TRPM5: variants seen among roughly 807,000 people sequenced by gnomAD.
TRPM5 encodes MLSN1 and TRP-related.
A neutral mutation model predicts 124.9 loss-of-function variants in TRPM5; 121 were observed. That is an observed-to-expected ratio of 0.97 (90% CI 0.84 to 1.13). The LOEUF is 1.13. Among genes scored for constraint, TRPM5 ranks in the 50% most tolerant of loss-of-function variants. TRPM5 has a pLI of 0.00. For synonymous variants in TRPM5, 781 were observed against 700.5 expected, an observed-to-expected ratio of 1.11 and a Z score of -1.81; for missense variants, 1,643 against 1,589.1, an observed-to-expected ratio of 1.03 and a Z score of -0.58.
chr11:2,420,481 C>T (rs1845756135), intron 3 of TRPM5, 76 bp from the exon 9 acceptor site: 1 of 1,461,098 alleles, frequency 6.8e-7, no homozygotes. Context: ...ATCCTCCCTG[C>T]CAGGCCGTGC....
chr11:2,421,903 T>C (rs769374690), intron 2 of TRPM5, among the ~76,000 whole-genome samples: 1 of 151,440 alleles, frequency 6.6e-6, no homozygotes, highest in Non-Finnish European at 1.5e-5. Context: ...GCTGCACCTG[T>C]GGGTACTGCA....
At chr11:2,418,737 C>G (rs1186657084) in intron 4 of TRPM5, 146 bp from the exon 10 acceptor site, 1 of 769,230 alleles carries the variant, frequency 1.3e-6, no homozygotes, top group African/African-American at 1.8e-5. Flanking sequence ...GTGACACAGG[C>G]TGCTTATTAC....
At chr11:2,422,232 C>G in exon 2 of TRPM5, 1 of 1,612,530 alleles carries the variant, frequency 6.2e-7, no homozygotes, top group South Asian at 1.1e-5. Flanking sequence ...CCACCAGGGA[C>G]ACCACCAGGT....
Position 2,408,234 on chromosome 11 carries a change from T to TG in TRPM5, c.2783-323dup, listed in dbSNP as rs1850364753. 1.3e-5 allele frequency among the ~76,000 whole-genome samples: 2 copies of TG among 151,778 alleles called. 1 individual carries two copies. Among genetic ancestry groups the TG allele is most frequent in the African/African-American group, 4.8e-5 (2 of 41,284 alleles). On this transcript the variant is annotated intron_variant, in intron 18 of 23. Transcript: ENST00000155858. ...CCAAGACCCCTGGAGGGATGGAAGGTGGGGGACAGAGGGGTCACGGGACCC... is the reference window on the plus strand; with the variant it reads ...CCAAGACCCCTGGAGGGATGGAAGGTGGGGGGACAGAGGGGTCACGGGACCC...
the TRPM5 span, among the ~76,000 whole-genome samples, chr11:2,435,929 G>T: frequency 4.1e-4 from 63 of 152,352 alleles, no homozygotes; most frequent in African/African-American, 1.4e-3. This position sits in a 1 kb window ranked among gnomAD's most constrained non-coding sequence, Gnocchi z 4.1. Context: ...ACACTCTGGG[G>T]AACAGGCAGC....
chr11:2,431,001 GT>G, the TRPM5 span, among the ~76,000 whole-genome samples: 5 of 152,236 alleles, frequency 3.3e-5, no homozygotes, highest in East Asian at 9.7e-4. Flanking sequence ...GGTAATAGTG[GT>G]TATGGTAGCA....
intron 8 of TRPM5, 59 bp from the exon 14 acceptor site, chr11:2,415,530 G>A (rs1046553212): frequency 8.2e-7 from 1 of 1,215,920 alleles, no homozygotes; most frequent in Non-Finnish European, 1.1e-6. Context: ...GAGACAGGAG[G>A]AGGGGGTCCA....
At chr11:2,420,140 G>A in intron 4 of TRPM5, 82 bp downstream of exon 9, 2 of 1,476,074 alleles carry the variant, frequency 1.4e-6, no homozygotes, top group Non-Finnish European at 9.1e-7. Context: ...CTCCCTGGCG[G>A]TCACCCCCAC....
chr11:2,409,670 G>C (rs1055556310), intron 18 of TRPM5, among the ~76,000 whole-genome samples: 1 of 152,206 alleles, frequency 6.6e-6, no homozygotes, highest in Non-Finnish European at 1.5e-5. Flanking sequence ...GTCACAGTGA[G>C]TGGCTGGGGT....
chr11:2,431,650 G>T, the TRPM5 span, among the ~76,000 whole-genome samples: 6 of 152,062 alleles, frequency 3.9e-5, no homozygotes, highest in African/African-American at 2.4e-5. Context: ...TGGAACCTTG[G>T]CTTCTGGTGC....
chr11:2,414,188 T>C, exon 12 of TRPM5: 1 of 1,609,706 alleles, frequency 6.2e-7, no homozygotes, highest in Admixed American at 1.7e-5. Flanking sequence ...ACTGTTGCTG[T>C]AGCACTCGGA....
chr11:2,415,828 C>T, intron 8 of TRPM5, 78 bp downstream of exon 13: 1 of 1,104,332 alleles, frequency 9.1e-7, no homozygotes, highest in Non-Finnish European at 1.3e-6. Flanking sequence ...AAGCAGCCCA[C>T]AGGGTGCAGG....
At chr11:2,423,109 C>T (rs1037759382), upstream of TRPM5, 19 of 1,277,998 alleles carry the variant, frequency 1.5e-5, no homozygotes, top group Middle Eastern at 5.2e-4. Flanking sequence ...TCCCTCCCCT[C>T]AGGGGGCTGG....
upstream of TRPM5, among the ~76,000 whole-genome samples, chr11:2,424,852 C>T (rs553258145): frequency 2.6e-5 from 4 of 152,358 alleles, no homozygotes; most frequent in South Asian, 2.1e-4. Context: ...AACCCCGGCA[C>T]GACTTCTGGT....
At chr11:2,426,672 C>T (rs1425713599), upstream of TRPM5, among the ~76,000 whole-genome samples, 2 of 152,190 alleles carry the variant, frequency 1.3e-5, no homozygotes, top group Non-Finnish European at 1.5e-5. Context: ...GCCCTGGGGT[C>T]CCAGCCCCGC....
At chr11:2,412,480 G>T (rs1243221901) in intron 15 of TRPM5, among the ~76,000 whole-genome samples, 1 of 152,232 alleles carries the variant, frequency 6.6e-6, no homozygotes, top group East Asian at 1.9e-4. Context: ...CAGGGTCTAG[G>T]GATCAGTTTA....
chr11:2,425,023 C>T (rs1248232973), upstream of TRPM5, among the ~76,000 whole-genome samples: 1 of 152,216 alleles, frequency 6.6e-6, no homozygotes, highest in African/African-American at 2.4e-5. Context: ...AGGAACCAGC[C>T]CGCGGACCGC....
chr11:2,443,296 C>T, the TRPM5 span, among the ~76,000 whole-genome samples: 1 of 152,226 alleles, frequency 6.6e-6, no homozygotes, highest in East Asian at 1.9e-4. The surrounding 1 kb of genome is among the most constrained non-coding windows in gnomAD (Gnocchi z 5.0). Context: ...GCTCACCTTC[C>T]TCCTGCTGAG....
intron 13 of TRPM5, 93 bp from the exon 19 acceptor site, chr11:2,413,319 A>G: frequency 7.4e-7 from 1 of 1,353,922 alleles, no homozygotes; most frequent in African/African-American, 1.5e-5. Flanking sequence ...GCCCACTGGG[A>G]TGCAGGGGCT....
Sources: gnomAD v4.1 joint callset for allele counts (sites outside exome capture counted in the v4.1 genomes callset) on GRCh38, gnomAD v4.1.1 for gene constraint, Gnocchi (gnomAD v3.1) non-coding constraint, MANE v1.5 for transcripts, NCBI Gene and HGNC (gene_info 2026-07-23, HGNC 2026-07-21) for gene names.